Variants in DSCAML1 observed in about 807,000 individuals in gnomAD.
The protein encoded by DSCAML1 is DS cell adhesion molecule like 1, also known as cell adhesion molecule DSCAML1.
DSCAML1 carries 38 observed loss-of-function variants against 200.5 expected under a neutral mutation model. That is an observed-to-expected ratio of 0.19 (90% CI 0.15 to 0.25). The LOEUF (loss-of-function observed/expected upper bound fraction) is 0.25, where lower values mean the gene tolerates loss of function less well. Among genes scored for constraint, DSCAML1 ranks in the 10% least tolerant of loss-of-function variants. The probability of loss-of-function intolerance (pLI) is 1.00; values close to 1 mark genes in which losing one functional copy is unlikely to be tolerated. For missense variants in DSCAML1, 2,223 were observed against 2,858.8 expected, an observed-to-expected ratio of 0.78 and a Z score of 5.07; for synonymous variants, 1,215 against 1,165.0, an observed-to-expected ratio of 1.04 and a Z score of -0.87.
intron 3 of DSCAML1, among the ~76,000 whole-genome samples, chr11:117,593,660 G>A (rs1399229252): frequency 6.6e-6 from 1 of 151,986 alleles, no homozygotes; most frequent in African/African-American, 2.4e-5. Context: ...GCACAGGGAT[G>A]TGGAGCTCCC....
At chr11:117,605,803 C>T (rs2051555305) in intron 3 of DSCAML1, among the ~76,000 whole-genome samples, 1 of 152,122 alleles carries the variant, frequency 6.6e-6, no homozygotes, top group Non-Finnish European at 1.5e-5. Context: ...TGAAACCTGG[C>T]TTGGGATCTT....
chr11:117,562,452 C>G lies in DSCAML1; in HGVS notation c.512-29930G>C, dbSNP rs143532308. On this transcript the variant is annotated intron_variant, in intron 3 of 32. Coordinates refer to ENST00000651296, the MANE Select transcript of DSCAML1 (RefSeq NM_020693.4). ...TGGAATCATTTCTTGCTTCCAGCTC[C>G]CACAGCATGTGACATGTGACTCGCA... 6.6e-5 allele frequency among the ~76,000 whole-genome samples: 10 copies of G among 152,312 alleles called. No homozygotes were observed. In the East Asian group the frequency reaches 1.9e-3, roughly 29 times the overall value.
intron 17 of DSCAML1, among the ~76,000 whole-genome samples, chr11:117,462,497 G>C (rs2048500431): frequency 6.6e-6 from 1 of 152,232 alleles, no homozygotes; most frequent in South Asian, 2.1e-4. Context: ...TTCGCTCCGA[G>C]TGGAAGAAAG....
At chr11:117,511,331 A>G (rs2049613664) in intron 8 of DSCAML1, among the ~76,000 whole-genome samples, 1 of 152,186 alleles carries the variant, frequency 6.6e-6, no homozygotes, top group African/African-American at 2.4e-5. Context: ...TTTTGGCTCA[A>G]GAAGCCCTCG....
upstream of DSCAML1, chr11:117,797,293 C>A: frequency 1.5e-6 from 2 of 1,321,038 alleles, no homozygotes; most frequent in Non-Finnish European, 1.9e-6. Context: ...GCTCTCCCCG[C>A]CCCCCCGCGG....
intron 19 of DSCAML1, 104 bp from the exon 20 acceptor site, chr11:117,450,792 C>G (rs2048268732): frequency 1.5e-6 from 2 of 1,379,296 alleles, no homozygotes; most frequent in Admixed American, 2.4e-5. Context: ...GGGAGAGCTT[C>G]TTGGAGGTGG....
At chr11:117,777,799 C>T (rs1312259455) in intron 2 of DSCAML1, among the ~76,000 whole-genome samples, 1 of 152,142 alleles carries the variant, frequency 6.6e-6, no homozygotes, top group Non-Finnish European at 1.5e-5. Context: ...TCTGGCCCTA[C>T]AGGCAGGCAG....
rs374432900 is a variant in DSCAML1, at chr11:117,654,450, C to T, written c.512-121928G>A. Among the ~76,000 whole-genome samples, 218 of 152,298 alleles carry T rather than the reference C, an allele frequency of 1.4e-3. 1 individual carries two copies. The highest frequency in any genetic ancestry group is 5.0e-3 in the African/African-American group (207 of 41,556). ...TGCACTCACATTCTGGGCACACTAT[C>T]GGTCTGCTCTATGACCCTGGAAAAG... is the stretch of plus-strand genomic sequence containing the variant. On this transcript the variant is annotated intron_variant, in intron 3 of 32. Transcript: ENST00000651296.
chr11:117,781,954 T>G lies in DSCAML1; in HGVS notation c.47-1144A>C, dbSNP rs2055272574. ...TGTTGGAATCAAGGGGTGTCCCCCT[T>G]CCTCTTGAGGAGCCTGCCCCTTTAA... is the stretch of plus-strand genomic sequence containing the variant. On this transcript the variant is annotated intron_variant, in intron 1 of 32. Transcript: ENST00000651296. 3.3e-5 allele frequency among the ~76,000 whole-genome samples: 5 copies of G among 152,184 alleles called. No individual in the cohort carries two copies. The South Asian group carries it at 1.0e-3, about 32-fold the overall frequency.
chr11:117,473,063 C>T (rs985130524), intron 14 of DSCAML1, among the ~76,000 whole-genome samples: 1 of 152,160 alleles, frequency 6.6e-6, no homozygotes, highest in African/African-American at 2.4e-5. Context: ...ATTTTCTATG[C>T]CTTTAAACCC....
At chr11:117,587,958 A>G (rs59607164) in intron 3 of DSCAML1, among the ~76,000 whole-genome samples, 12,547 of 152,210 alleles carry the variant, frequency 0.082, 547 homozygotes, top group Middle Eastern at 0.15. Context: ...TGGTGATGCC[A>G]TCACTTTAAA....
chr11:117,604,493 C>T (rs2051526482), intron 3 of DSCAML1, among the ~76,000 whole-genome samples: 1 of 152,128 alleles, frequency 6.6e-6, no homozygotes, highest in East Asian at 1.9e-4. Flanking sequence ...CTTGGTGGGC[C>T]CTGCTCATAA....
chr11:117,596,340 G>C (rs981534259), intron 3 of DSCAML1, among the ~76,000 whole-genome samples: 1 of 151,526 alleles, frequency 6.6e-6, no homozygotes, highest in African/African-American at 2.4e-5. Flanking sequence ...ACCTCCCTGG[G>C]AGTTCAGAGC....
intron 15 of DSCAML1, among the ~76,000 whole-genome samples, chr11:117,470,379 T>G (rs896302860): frequency 1.3e-5 from 2 of 152,092 alleles, no homozygotes; most frequent in African/African-American, 4.8e-5. Flanking sequence ...ATCGAGACCA[T>G]CCTGGCTAAC....
intron 3 of DSCAML1, among the ~76,000 whole-genome samples, chr11:117,747,635 G>A (rs1424005781): frequency 6.6e-6 from 1 of 152,238 alleles, no homozygotes; most frequent in African/African-American, 2.4e-5. Flanking sequence ...CCAGAAGAAT[G>A]AGCTGGCTTC....
At chr11:117,672,040 A>G (rs985525259) in intron 3 of DSCAML1, among the ~76,000 whole-genome samples, 7 of 146,264 alleles carry the variant, frequency 4.8e-5, no homozygotes, top group Non-Finnish European at 9.0e-5. Context: ...GGCGGAGCTT[A>G]CAGTGAGCCG....
chr11:117,525,994 TC>T (rs1370959602), intron 4 of DSCAML1, among the ~76,000 whole-genome samples: 6 of 152,312 alleles, frequency 3.9e-5, no homozygotes, highest in African/African-American at 1.4e-4. Flanking sequence ...ATCCTCTATT[TC>T]GCATTCCAAA....
At chr11:117,443,439 G>A (rs2048110306) in intron 21 of DSCAML1, among the ~76,000 whole-genome samples, 3 of 152,242 alleles carry the variant, frequency 2.0e-5, no homozygotes, top group South Asian at 4.1e-4. Flanking sequence ...GCAGGAATCC[G>A]CCATCGCTGG....
At chr11:117,521,438 G>A in intron 5 of DSCAML1, 33 bp from the exon 6 acceptor site, 1 of 1,600,900 alleles carries the variant, frequency 6.2e-7, no homozygotes, top group Non-Finnish European at 8.5e-7. Context: ...GAGGGGAAAT[G>A]GGAGGGAGGA....
Sources: gnomAD v4.1 joint callset for allele counts (sites outside exome capture counted in the v4.1 genomes callset) on GRCh38, gnomAD v4.1.1 for gene constraint, MANE v1.5 for transcripts, NCBI Gene and HGNC (gene_info 2026-07-23, HGNC 2026-07-21) for gene names.